The following LRP1B variants were observed in gnomAD, a reference collection of about 807,000 sequenced individuals.
LRP1B encodes the protein low-density lipoprotein receptor-related protein 1B.
A neutral mutation model predicts 556.6 loss-of-function variants in LRP1B; 217 were observed. That is an observed-to-expected ratio of 0.39 (90% CI 0.35 to 0.44). The LOEUF (loss-of-function observed/expected upper bound fraction) is 0.44, where lower values mean the gene tolerates loss of function less well. LRP1B is among the 20% of genes least tolerant of loss of function. LRP1B has a pLI of 1.00. For synonymous variants in LRP1B, 2,047 were observed against 1,865.8 expected, an observed-to-expected ratio of 1.10 and a Z score of -2.50; for missense variants, 5,053 against 5,620.8, an observed-to-expected ratio of 0.90 and a Z score of 3.23.
At chr2:141,474,329 G>A (rs13030335) in intron 3 of LRP1B, among the ~76,000 whole-genome samples, 37,303 of 151,990 alleles carry the variant, frequency 0.25, 5,479 homozygotes, top group East Asian at 0.52. Context: ...TTTTCCCATG[G>A]TGAATCATTA....
At chr2:140,535,646 T>C (rs1196520943) in intron 46 of LRP1B, among the ~76,000 whole-genome samples, 2 of 152,190 alleles carry the variant, frequency 1.3e-5, no homozygotes, top group African/African-American at 4.8e-5. Context: ...ATCCCAATGC[T>C]ATTGGATTTC....
At chr2:141,145,726 T>G (rs931052058) in intron 7 of LRP1B, among the ~76,000 whole-genome samples, 2 of 151,534 alleles carry the variant, frequency 1.3e-5, no homozygotes. Context: ...AGAGACCGGG[T>G]TTCATCGTGT....
At chr2:142,011,000 A>C (rs561808029) in intron 1 of LRP1B, among the ~76,000 whole-genome samples, 1 of 152,322 alleles carries the variant, frequency 6.6e-6, no homozygotes, top group African/African-American at 2.4e-5. Flanking sequence ...AGTTCACCAG[A>C]GAACATATTT....
intron 41 of LRP1B, among the ~76,000 whole-genome samples, chr2:140,692,980 T>A (rs953280453): frequency 6.6e-6 from 1 of 152,180 alleles, no homozygotes; most frequent in Admixed American, 6.5e-5. Context: ...TTTGTTTCAT[T>A]TTTTGCATAT....
At chr2:141,791,375 A>G (rs1315769580) in intron 2 of LRP1B, among the ~76,000 whole-genome samples, 2 of 152,036 alleles carry the variant, frequency 1.3e-5, no homozygotes. Context: ...GGATTGAGCT[A>G]TATACACACA....
At chr2:142,070,063 A>G (rs745930364) in intron 1 of LRP1B, among the ~76,000 whole-genome samples, 4 of 151,754 alleles carry the variant, frequency 2.6e-5, no homozygotes, top group African/African-American at 7.2e-5. Flanking sequence ...TCATATCACA[A>G]TGGAATTTAT....
intron 3 of LRP1B, among the ~76,000 whole-genome samples, chr2:141,360,523 A>G (rs1011812724): frequency 4.6e-5 from 7 of 152,180 alleles, no homozygotes; most frequent in African/African-American, 7.2e-5. Flanking sequence ...TCCTGTCTTT[A>G]CTTTTGTTCT....
intron 31 of LRP1B, among the ~76,000 whole-genome samples, chr2:140,819,396 G>C (rs1182852849): frequency 4.6e-5 from 7 of 152,084 alleles, no homozygotes; most frequent in Admixed American, 1.3e-4. Context: ...TCTGTGAAAA[G>C]TAATAAAAGA....
intron 1 of LRP1B, among the ~76,000 whole-genome samples, chr2:142,102,523 G>T (rs529323078): frequency 1.3e-5 from 2 of 149,032 alleles, no homozygotes; most frequent in Non-Finnish European, 3.0e-5. Context: ...AATTACACTG[G>T]GAGGCAAAGG....
At chr2:140,736,939 G>A (rs72981858) in intron 35 of LRP1B, among the ~76,000 whole-genome samples, 3,217 of 152,172 alleles carry the variant, frequency 0.021, 96 homozygotes, top group African/African-American at 0.071. Context: ...AAGGAACGTC[G>A]AGGGAGGCTT....
At chr2:141,139,491 C>T (rs1219189969) in intron 7 of LRP1B, among the ~76,000 whole-genome samples, 1 of 150,934 alleles carries the variant, frequency 6.6e-6, no homozygotes, top group African/African-American at 2.4e-5. Flanking sequence ...AAAGAACACT[C>T]AAAACCCTCC....
intron 66 of LRP1B, among the ~76,000 whole-genome samples, chr2:140,415,937 C>G (rs528989662): frequency 6.6e-4 from 100 of 152,158 alleles, no homozygotes; most frequent in Admixed American, 3.7e-3. Flanking sequence ...TGATTTTCCT[C>G]GAGAGGCCAT....
intron 49 of LRP1B, among the ~76,000 whole-genome samples, chr2:140,524,690 C>G (rs939966914): frequency 6.6e-6 from 1 of 151,766 alleles, no homozygotes; most frequent in African/African-American, 2.4e-5. Context: ...TAAATCAATG[C>G]AAGAACAGAA....
At chr2:141,496,307 C>A (rs1280481911) in intron 2 of LRP1B, among the ~76,000 whole-genome samples, 4 of 151,840 alleles carry the variant, frequency 2.6e-5, no homozygotes, top group Non-Finnish European at 4.4e-5. Context: ...TAATGTACAT[C>A]TGAATCACCT....
intron 2 of LRP1B, among the ~76,000 whole-genome samples, chr2:141,777,452 C>A (rs894316502): frequency 1.3e-5 from 2 of 151,968 alleles, no homozygotes; most frequent in Non-Finnish European, 2.9e-5. Context: ...GTCTCACTCT[C>A]TCGCCCAGGC....
At chr2:140,661,620 T>C (rs563243055) in intron 41 of LRP1B, among the ~76,000 whole-genome samples, 2 of 152,036 alleles carry the variant, frequency 1.3e-5, no homozygotes, top group South Asian at 4.2e-4. Flanking sequence ...TGAGCTGTGA[T>C]TGCACCACTG....
At chr2:141,239,980 T>G (rs550103397) in intron 5 of LRP1B, among the ~76,000 whole-genome samples, 3 of 152,238 alleles carry the variant, frequency 2.0e-5, no homozygotes, top group Admixed American at 2.0e-4. Context: ...TTCTAGCTAC[T>G]TTATCAGCTA....
At chr2:141,678,879 C>T (rs1210407772) in intron 2 of LRP1B, among the ~76,000 whole-genome samples, 3 of 152,112 alleles carry the variant, frequency 2.0e-5, no homozygotes, top group Admixed American at 6.5e-5. Context: ...TATTCATGCT[C>T]CTATGAAACT....
intron 3 of LRP1B, among the ~76,000 whole-genome samples, chr2:141,376,472 C>A (rs1033268681): frequency 6.6e-6 from 1 of 152,170 alleles, no homozygotes; most frequent in African/African-American, 2.4e-5. Flanking sequence ...ATATTATTCT[C>A]TCCTAGACAA....
Sources: gnomAD v4.1 joint callset for allele counts (sites outside exome capture counted in the v4.1 genomes callset) on GRCh38, gnomAD v4.1.1 for gene constraint, MANE v1.5 for transcripts, NCBI Gene and HGNC (gene_info 2026-07-23, HGNC 2026-07-21) for gene names.